NR5A2: variants seen among roughly 807,000 people sequenced by gnomAD.
NR5A2 encodes CYP7A promoter-binding factor.
A neutral mutation model predicts 62.7 loss-of-function variants in NR5A2; 26 were observed. The observed-to-expected ratio is 0.41, with a 90% confidence interval of 0.30 to 0.58. The LOEUF is 0.58. NR5A2 is among the 20% of genes least tolerant of loss of function. NR5A2 has a pLI of 0.22. For missense variants in NR5A2, 541 were observed against 669.1 expected (o/e 0.81, Z 2.11); for synonymous variants, 246 against 241.7 (o/e 1.02, Z -0.16).
intron 5 of NR5A2, among the ~76,000 whole-genome samples, chr1:200,092,668 G>A (rs1465289905): frequency 6.6e-6 from 1 of 151,160 alleles, no homozygotes; most frequent in Non-Finnish European, 1.5e-5. Context: ...TTGGTTTCTG[G>A]TGTTAGGCTC....
chr1:200,038,709 A>T, intron 1 of NR5A2: 1 of 1,366,038 alleles, frequency 7.3e-7, no homozygotes. Context: ...AGATCGAGGA[A>T]ATTGCCGCTC....
intron 5 of NR5A2, among the ~76,000 whole-genome samples, chr1:200,053,206 G>A (rs1003444487): frequency 6.6e-6 from 1 of 152,136 alleles, no homozygotes; most frequent in Non-Finnish European, 1.5e-5. Flanking sequence ...AAGGGCTAGA[G>A]GACACATATA....
rs4915407 is a variant in NR5A2, at chr1:200,103,697, C to T, written c.1111-7505C>T. ...TTGCTCGCAGTCTGAGGCAACTGCC[C>T]TCAGTTTCTGGCTGCTGCAGGCCAA... On this transcript the variant is annotated intron_variant, in intron 5 of 7. Transcript: ENST00000367362. Among the ~76,000 whole-genome samples, 3,093 of 152,294 alleles carry T rather than the reference C, an allele frequency of 0.02. 220 individuals are homozygous for T. The East Asian group carries it at 0.25, about 12-fold the overall frequency.
chr1:200,119,775 T>C (rs1666398478), intron 6 of NR5A2, among the ~76,000 whole-genome samples: 1 of 152,222 alleles, frequency 6.6e-6, no homozygotes. Context: ...TACAGGCACA[T>C]GCCACCACGC....
intron 5 of NR5A2, among the ~76,000 whole-genome samples, chr1:200,066,790 G>A (rs1663497856): frequency 6.6e-6 from 1 of 152,048 alleles, no homozygotes; most frequent in African/African-American, 2.4e-5. Flanking sequence ...GTTTCACCAT[G>A]TTGGTCAGGG....
chr1:200,155,922 C>T (rs1653362168), intron 7 of NR5A2, among the ~76,000 whole-genome samples: 1 of 152,150 alleles, frequency 6.6e-6, no homozygotes, highest in Non-Finnish European at 1.5e-5. Context: ...GATCCACCCG[C>T]TTAGTCTCCC....
intron 7 of NR5A2, among the ~76,000 whole-genome samples, chr1:200,170,301 G>A (rs1292711301): frequency 6.6e-6 from 1 of 152,062 alleles, no homozygotes; most frequent in East Asian, 1.9e-4. Context: ...CCATAGCTTT[G>A]CATTAAACAT....
At chr1:200,161,736 A>G (rs1339912572) in intron 7 of NR5A2, among the ~76,000 whole-genome samples, 1 of 152,232 alleles carries the variant, frequency 6.6e-6, no homozygotes, top group Non-Finnish European at 1.5e-5. Context: ...AGGAACTTTA[A>G]AATTGCTTAA....
chr1:200,120,835 G>A lies in NR5A2; in HGVS notation c.1258G>A (p.Ala420Thr). Residue 420 changes from alanine (A) to threonine (T), a missense_variant, in exon 7 of 8, where the codon GCC becomes ACC. By Grantham distance (58) the Ala-to-Thr change is moderately conservative. Around this residue, in one of 3 missense-constraint regions of NR5A2, gnomAD observed 379 missense variants for 442.0 expected, o/e 0.86. Transcript: ENST00000367362. ...QVDYSIIASQ[A>T]GATLNNLMSH... ...GGACTATTCCATAATAGCATCACAAGCCGGAGCCACCCTCAACAACCTCAT... is the reference window on the plus strand; with the variant it reads ...GGACTATTCCATAATAGCATCACAAACCGGAGCCACCCTCAACAACCTCAT... The A allele has an allele frequency of 6.3e-7, 1 of 1,577,802 alleles. No individual in the cohort carries two copies. The highest frequency in any genetic ancestry group is 1.2e-5 in the South Asian group (1 of 83,756).
At chr1:200,040,277 T>A (rs1036487476) in intron 2 of NR5A2, among the ~76,000 whole-genome samples, 4 of 152,156 alleles carry the variant, frequency 2.6e-5, no homozygotes, top group African/African-American at 7.2e-5. Flanking sequence ...TTAGAATACA[T>A]GTGACCACAC....
chr1:200,048,414 G>C lies in NR5A2; in HGVS notation c.706G>C (p.Asp236His), dbSNP rs766953218. The change falls in exon 5 of 8, where the codon GAC becomes CAC. Residue 236 changes from aspartate (D) to histidine (H), a missense_variant. Asp to His is a moderately conservative substitution (Grantham distance 81). Transcript: ENST00000367362. The surrounding 1 kb of genome is among the most constrained non-coding windows in gnomAD (Gnocchi z 4.8). Reference protein sequence around the residue: ...NHAALPPTDYDRSPFVTSPIS... With the variant: ...NHAALPPTDYHRSPFVTSPIS... ...TGCTGCCTTGCCTCCTACAGACTAT[G>C]ACAGAAGTCCCTTTGTAACATCCCC... 7.4e-6 allele frequency: 12 copies of C among 1,614,054 alleles called. No individual in the cohort carries two copies. Among genetic ancestry groups the C allele is most frequent in the Non-Finnish European group, 8.5e-6 (10 of 1,180,050 alleles).
chr1:200,047,485 A>G (rs1218887216), intron 4 of NR5A2, among the ~76,000 whole-genome samples: 1 of 152,192 alleles, frequency 6.6e-6, no homozygotes, highest in Non-Finnish European at 1.5e-5. Context: ...AGAAAACCCC[A>G]AAGCAGTTTG....
chr1:200,103,219 G>A (rs1665475417), intron 5 of NR5A2, among the ~76,000 whole-genome samples: 1 of 144,008 alleles, frequency 6.9e-6, no homozygotes, highest in South Asian at 2.2e-4. Flanking sequence ...TGCTTCCCAG[G>A]TTCAAGCAAT....
chr1:200,074,754 A>AG (rs1459827708), intron 5 of NR5A2, among the ~76,000 whole-genome samples: 4 of 140,474 alleles, frequency 2.8e-5, no homozygotes, highest in Non-Finnish European at 4.7e-5. Flanking sequence ...AAAAAAAAAA[A>AG]AACACGAGAG....
At chr1:200,108,406 T>C (rs1239398446) in intron 5 of NR5A2, among the ~76,000 whole-genome samples, 1 of 152,108 alleles carries the variant, frequency 6.6e-6, no homozygotes, top group Non-Finnish European at 1.5e-5. Context: ...TTCACCCACC[T>C]TTTCTCCTTC....
At position 200,074,716 on chromosome 1, in the gene NR5A2, G is replaced by A. The variant is rs1302882663; in HGVS notation, c.1110+25898G>A. Among the ~76,000 whole-genome samples the A allele has an allele frequency of 2.0e-4, 19 of 96,682 alleles. No homozygotes were observed. The East Asian group carries it at 2.8e-3, about 14-fold the overall frequency. 63.4% of individuals were successfully genotyped at this position (96,682 alleles called of 152,430 possible). A position where few individuals can be genotyped will look rare whatever the true frequency, so the allele number is the denominator to read the frequency against. On this transcript the variant is annotated intron_variant, in intron 5 of 7. Coordinates refer to ENST00000367362, the MANE Select transcript of NR5A2 (RefSeq NM_205860.3). ...CACACCACTGCACTCCAGTCTGGGC[G>A]ACAGGGCGAGAGTCCATCTCAAAAA...
intron 5 of NR5A2, among the ~76,000 whole-genome samples, chr1:200,095,621 C>T (rs932968701): frequency 6.6e-6 from 1 of 151,796 alleles, no homozygotes; most frequent in South Asian, 2.1e-4. Flanking sequence ...GGTGCCATCT[C>T]AGCTCACTCC....
intron 5 of NR5A2, among the ~76,000 whole-genome samples, chr1:200,070,673 C>A (rs1400555023): frequency 2.7e-5 from 3 of 110,610 alleles, no homozygotes; most frequent in African/African-American, 1.0e-4. Context: ...GAGTGAGACT[C>A]TGTCTCAAAA....
chr1:200,159,363 C>T (rs1653530846), intron 7 of NR5A2, among the ~76,000 whole-genome samples: 1 of 152,178 alleles, frequency 6.6e-6, no homozygotes, highest in Non-Finnish European at 1.5e-5. Context: ...AATCCTACCC[C>T]TCCACAGGAG....
Sources: gnomAD v4.1 joint callset for allele counts (sites outside exome capture counted in the v4.1 genomes callset) on GRCh38, gnomAD v4.1.1 for gene constraint, gnomAD v4.1.1 regional missense constraint, Gnocchi (gnomAD v3.1) non-coding constraint, MANE v1.5 for transcripts, NCBI Gene and HGNC (gene_info 2026-07-23, HGNC 2026-07-21) for gene names.